Variants in AGAP1 observed in about 807,000 individuals in gnomAD.
The protein encoded by AGAP1 is ArfGAP with GTPase domain, ankyrin repeat and PH domain 1.
A neutral mutation model predicts 105.3 loss-of-function variants in AGAP1; 29 were observed. The observed-to-expected ratio is 0.28, with a 90% CI of 0.21 to 0.38. The LOEUF (loss-of-function observed/expected upper bound fraction) is 0.38, where lower values mean the gene tolerates loss of function less well. AGAP1 is among the 10% of genes least tolerant of loss of function. The pLI is 1.00. For missense variants in AGAP1, 998 were observed against 1,165.1 expected, an observed-to-expected ratio of 0.86 and a Z score of 2.09; for synonymous variants, 509 against 485.9, an observed-to-expected ratio of 1.05 and a Z score of -0.63.
rs1559289032 is a variant in AGAP1 at position 235,612,878 on chromosome 2, TTA to T, written c.164-96299_164-96298del. Among the ~76,000 whole-genome samples the T allele has an allele frequency of 2.0e-5, 3 of 152,100 alleles. No homozygotes were observed. Among genetic ancestry groups the T allele is most frequent in the African/African-American group, 7.2e-5 (3 of 41,416 alleles). On this transcript the variant is annotated intron_variant, in intron 1 of 17. Coordinates refer to ENST00000304032, the MANE Select transcript of AGAP1 (RefSeq NM_001037131.3). The surrounding 1 kb of genome is among the most constrained non-coding windows in gnomAD (Gnocchi z 4.3). ...TGCTTCCAGTGAGACTCCGCCCAGG[TTA>T]TGTTTGTGGCCTTTTATCTCTCCAA...
chr2:235,987,734 T>G (rs2125438604), intron 13 of AGAP1, among the ~76,000 whole-genome samples: 1 of 152,258 alleles, frequency 6.6e-6, no homozygotes, highest in Admixed American at 6.5e-5. Flanking sequence ...TTCAAATAAC[T>G]TCTTGATTTC....
At position 235,556,973 on chromosome 2, in the gene AGAP1, A is replaced by C. The variant is rs1261111764; in HGVS notation, c.163+62124A>C. Among the ~76,000 whole-genome samples the C allele has an allele frequency of 6.6e-6, 1 of 152,182 alleles. No homozygotes were observed. The highest frequency in any genetic ancestry group is 6.5e-5 in the Admixed American group (1 of 15,276). ...ATCATTTTCTGAGGATATAGCGTTT[A>C]GTGCACACCTCTTTTGTGCAACTCA... On this transcript the variant is annotated intron_variant, in intron 1 of 17. Transcript: ENST00000304032. The surrounding 1 kb of genome is among the most constrained non-coding windows in gnomAD (Gnocchi z 5.3).
At chr2:235,995,024 G>A (rs1321212269) in intron 13 of AGAP1, among the ~76,000 whole-genome samples, 1 of 127,408 alleles carries the variant, frequency 7.8e-6, no homozygotes, top group South Asian at 2.7e-4. Flanking sequence ...CCGAGATCGC[G>A]CCTTGCACTC....
intron 1 of AGAP1, among the ~76,000 whole-genome samples, chr2:235,543,685 TG>T (rs1269062394): frequency 2.0e-5 from 3 of 152,206 alleles, no homozygotes; most frequent in Admixed American, 2.0e-4. Flanking sequence ...CAAGGATCTG[TG>T]TTTCCTGGAG....
rs141237229 is a variant in AGAP1 at position 235,941,236 on chromosome 2, C to T, written c.1483+10313C>T. ...TTAGAGTTGAAACTGGTTTTCCTCCCTCGGATCATCTTAGCCTGTTCCTGA... is the reference window on the plus strand; with the variant it reads ...TTAGAGTTGAAACTGGTTTTCCTCCTTCGGATCATCTTAGCCTGTTCCTGA... On this transcript the variant is annotated intron_variant, in intron 12 of 17. Coordinates refer to ENST00000304032, the MANE Select transcript of AGAP1 (RefSeq NM_001037131.3). Among the ~76,000 whole-genome samples, 346 of 152,252 alleles carry T rather than the reference C, an allele frequency of 2.3e-3. 3 individuals are homozygous for T. The highest frequency in any genetic ancestry group is 7.9e-3 in the African/African-American group (328 of 41,560).
rs900944268 is a variant in AGAP1 at position 235,982,669 on chromosome 2, C to T, written c.1645+14046C>T. On this transcript the variant is annotated intron_variant, in intron 13 of 17. Coordinates refer to ENST00000304032, the MANE Select transcript of AGAP1 (RefSeq NM_001037131.3). The surrounding 1 kb of genome is among the most constrained non-coding windows in gnomAD (Gnocchi z 4.9). ...GCAGCACAGAAATACTTGCCCAGTCCGTTCGTGGAAGGAAAGAACCGAAGC... is the reference window on the plus strand; with the variant it reads ...GCAGCACAGAAATACTTGCCCAGTCTGTTCGTGGAAGGAAAGAACCGAAGC... Among the ~76,000 whole-genome samples, 1 of 152,234 alleles carries T rather than the reference C, an allele frequency of 6.6e-6. No individual in the cohort carries two copies. The highest frequency in any genetic ancestry group is 1.5e-5 in the Non-Finnish European group (1 of 68,048).
At chr2:235,675,125 T>G (rs1485655683) in intron 1 of AGAP1, among the ~76,000 whole-genome samples, 1 of 151,906 alleles carries the variant, frequency 6.6e-6, no homozygotes, top group Admixed American at 6.5e-5. Flanking sequence ...TGATAAAGTT[T>G]GATTTTTAAA....
rs1298392481 is a variant in AGAP1 at position 235,824,630 on chromosome 2, G to A, written c.1050+17299G>A. The stretch of plus-strand genomic sequence containing the variant: ...GTTAATTGATTTGGTGATTCCCTCG[G>A]GTCTGCATGCTCCTTTTCCCCCTTT... On this transcript the variant is annotated intron_variant, in intron 9 of 17. Coordinates refer to ENST00000304032, the MANE Select transcript of AGAP1 (RefSeq NM_001037131.3). The surrounding 1 kb of genome is among the most constrained non-coding windows in gnomAD (Gnocchi z 5.2). 6.6e-6 allele frequency among the ~76,000 whole-genome samples: 1 copy of A among 152,112 alleles called. No homozygotes were observed. Among genetic ancestry groups the A allele is most frequent in the Non-Finnish European group, 1.5e-5 (1 of 68,022 alleles).
At position 235,691,862 on chromosome 2, in the gene AGAP1, T is replaced by C. The variant is rs1014416266; in HGVS notation, c.164-17317T>C. 6.6e-6 allele frequency among the ~76,000 whole-genome samples: 1 copy of C among 152,164 alleles called. No individual in the cohort carries two copies. Among genetic ancestry groups the C allele is most frequent in the Non-Finnish European group, 1.5e-5 (1 of 68,042 alleles). ...AGCTTGGGGACAATGGCCAGTGACATCCAGGAGAGGGAACTTAGAGGCAAG... is the reference window on the plus strand; with the variant it reads ...AGCTTGGGGACAATGGCCAGTGACACCCAGGAGAGGGAACTTAGAGGCAAG... On this transcript the variant is annotated intron_variant, in intron 1 of 17. Coordinates refer to ENST00000304032, the MANE Select transcript of AGAP1 (RefSeq NM_001037131.3). This position sits in a 1 kb window ranked among gnomAD's most constrained non-coding sequence, Gnocchi z 4.4.
chr2:235,899,649 A>T (rs777123196), intron 10 of AGAP1, among the ~76,000 whole-genome samples: 99 of 152,240 alleles, frequency 6.5e-4, no homozygotes, highest in Admixed American at 1.7e-3. Flanking sequence ...AATTTCTAGG[A>T]TCTAACTATT....
chr2:236,081,598 AAAC>A (rs2058783915), intron 16 of AGAP1, among the ~76,000 whole-genome samples: 1 of 152,050 alleles, frequency 6.6e-6, no homozygotes, highest in Non-Finnish European at 1.5e-5. Flanking sequence ...TCCTTCCTTA[AAAC>A]AACTTACAGT....
chr2:235,828,877 G>A (rs561705508), intron 9 of AGAP1, among the ~76,000 whole-genome samples: 29 of 152,302 alleles, frequency 1.9e-4, no homozygotes, highest in African/African-American at 6.0e-4. Context: ...TGGATGCTCC[G>A]AGAAAGAACA....
chr2:235,732,121 C>T lies in AGAP1; in HGVS notation c.311-8842C>T, dbSNP rs997494880. ...TGATCTGCGGATTCAGATCTTTCTG[C>T]GTCTCAGGAACATTCCTTTGTCTTT... On this transcript the variant is annotated intron_variant, in intron 3 of 17. Transcript: ENST00000304032. This position sits in a 1 kb window ranked among gnomAD's most constrained non-coding sequence, Gnocchi z 4.8. Among the ~76,000 whole-genome samples the T allele has an allele frequency of 2.0e-5, 3 of 152,302 alleles. No individual in the cohort carries two copies. The highest frequency in any genetic ancestry group is 3.9e-4 in the East Asian group (2 of 5,182).
chr2:235,634,862 C>T (rs925844294), intron 1 of AGAP1, among the ~76,000 whole-genome samples: 1 of 152,036 alleles, frequency 6.6e-6, no homozygotes, highest in Non-Finnish European at 1.5e-5. Flanking sequence ...TGTTTTGTTC[C>T]GGCACACGCT....
intron 1 of AGAP1, among the ~76,000 whole-genome samples, chr2:235,576,355 T>G (rs1037305845): frequency 1.3e-5 from 2 of 152,180 alleles, no homozygotes; most frequent in African/African-American, 2.4e-5. Context: ...GCTAATGCAT[T>G]GATTATTTTT....
chr2:235,756,830 G>A (rs1953966766), intron 6 of AGAP1, among the ~76,000 whole-genome samples: 1 of 152,138 alleles, frequency 6.6e-6, no homozygotes, highest in Non-Finnish European at 1.5e-5. Flanking sequence ...GACGAGCTGA[G>A]GTGGAACCGT....
rs558425232 is a variant in AGAP1, at chr2:235,767,481, C to CTTT, written c.673+16993_673+16994insTTT. The stretch of plus-strand genomic sequence containing the variant: ...CGTTGCTTTTTCCGTTGACCAAAGC[C>CTTT]ATGACCTTACCTTTATGCAGTCGTG... On this transcript the variant is annotated intron_variant, in intron 6 of 17. Transcript: ENST00000304032. Among the ~76,000 whole-genome samples the CTTT allele has an allele frequency of 4.2e-3, 637 of 152,340 alleles. 3 individuals carry two copies. Among genetic ancestry groups the CTTT allele is most frequent in the African/African-American group, 0.014 (599 of 41,584 alleles).
chr2:235,525,535 AT>A (rs1942800092), intron 1 of AGAP1, among the ~76,000 whole-genome samples: 1 of 152,144 alleles, frequency 6.6e-6, no homozygotes. Context: ...TGGAGGACTG[AT>A]TTATAAAGTA....
At position 235,741,725 on chromosome 2, in the gene AGAP1, GTTA is replaced by G. The variant is rs533667014; in HGVS notation, c.396+689_396+691del. 8.6e-3 allele frequency among the ~76,000 whole-genome samples: 1,293 copies of G among 149,740 alleles called. 21 individuals carry two copies. The highest frequency in any genetic ancestry group is 0.028 in the African/African-American group (1,162 of 40,950). On this transcript the variant is annotated intron_variant, in intron 4 of 17. Coordinates refer to ENST00000304032, the MANE Select transcript of AGAP1 (RefSeq NM_001037131.3). This position sits in a 1 kb window ranked among gnomAD's most constrained non-coding sequence, Gnocchi z 4.9. ...TGTTATTATTATTATTGTTGTTGTT[GTTA>G]TTATTATTATTGTTATTTTTTATTA...
Sources: gnomAD v4.1 joint callset for allele counts (sites outside exome capture counted in the v4.1 genomes callset) on GRCh38, gnomAD v4.1.1 for gene constraint, Gnocchi (gnomAD v3.1) non-coding constraint, MANE v1.5 for transcripts, NCBI Gene and HGNC (gene_info 2026-07-23, HGNC 2026-07-21) for gene names.